Variants in MGAT4C observed in about 807,000 individuals in gnomAD.
The protein encoded by MGAT4C is MGAT4 family member C, also known as alpha-1,3-mannosyl-glycoprotein 4-beta-N-acetylglucosaminyltransferase C.
In MGAT4C, 19 loss-of-function variants were observed where a neutral mutation model predicts 40.1. The ratio of observed to expected loss-of-function variants is 0.47; its 90% confidence interval spans 0.33 to 0.70. The LOEUF (loss-of-function observed/expected upper bound fraction) is 0.70. Among genes scored for constraint, MGAT4C ranks in the 30% least tolerant of loss-of-function variants. MGAT4C has a pLI of 0.02. For missense variants in MGAT4C, 491 were observed against 563.2 expected, an observed-to-expected ratio of 0.87 and a Z score of 1.30; for synonymous variants, 181 against 187.1, an observed-to-expected ratio of 0.97 and a Z score of 0.27.
intron 1 of MGAT4C, among the ~76,000 whole-genome samples, chr12:86,792,886 G>A (rs145460077): frequency 1.8e-4 from 27 of 152,208 alleles, no homozygotes; most frequent in African/African-American, 5.1e-4. Flanking sequence ...AGCTGAGATC[G>A]TGCCACTGCA....
At chr12:86,560,976 C>CA (rs1373537236) in intron 2 of MGAT4C, among the ~76,000 whole-genome samples, 2 of 151,988 alleles carry the variant, frequency 1.3e-5, no homozygotes, top group Non-Finnish European at 2.9e-5. Flanking sequence ...AACCAACATA[C>CA]AAAAATCAGT....
At chr12:86,587,888 G>C (rs374349553) in intron 2 of MGAT4C, among the ~76,000 whole-genome samples, 4 of 151,822 alleles carry the variant, frequency 2.6e-5, no homozygotes, top group South Asian at 2.1e-4. Context: ...ATCATGTCAT[G>C]TGCAAACAGG....
chr12:86,504,834 T>A (rs1041994817), intron 2 of MGAT4C, among the ~76,000 whole-genome samples: 2 of 152,052 alleles, frequency 1.3e-5, no homozygotes, highest in African/African-American at 4.8e-5. Flanking sequence ...CTACAGGTGC[T>A]CATGTTGGTG....
intron 2 of MGAT4C, among the ~76,000 whole-genome samples, chr12:86,017,510 AATAAAT>A (rs1446313056): frequency 4.6e-5 from 7 of 152,182 alleles, no homozygotes; most frequent in Admixed American, 1.3e-4. Context: ...TTAATTACAT[AATAAAT>A]ATAAATATCT....
chr12:86,149,169 A>T (rs1883954520), intron 1 of MGAT4C, among the ~76,000 whole-genome samples: 1 of 152,004 alleles, frequency 6.6e-6, no homozygotes. Context: ...TATTTTTTAA[A>T]TTTTTTCATA....
At chr12:86,335,784 C>A (rs1380640149) in intron 3 of MGAT4C, among the ~76,000 whole-genome samples, 1 of 152,070 alleles carries the variant, frequency 6.6e-6, no homozygotes, top group Non-Finnish European at 1.5e-5. Context: ...CATTGTGCAA[C>A]CCTTACTGAC....
At chr12:86,264,323 T>C (rs1317950567) in intron 4 of MGAT4C, among the ~76,000 whole-genome samples, 2 of 152,234 alleles carry the variant, frequency 1.3e-5, no homozygotes, top group Admixed American at 1.3e-4. Context: ...TGTTTATGTC[T>C]TTGATATATT....
intron 2 of MGAT4C, among the ~76,000 whole-genome samples, chr12:86,470,879 A>G (rs1957748342): frequency 6.6e-6 from 1 of 151,958 alleles, no homozygotes; most frequent in South Asian, 2.1e-4. Context: ...CCTTTATATT[A>G]TTCTTAACTT....
intron 4 of MGAT4C, among the ~76,000 whole-genome samples, chr12:86,292,033 C>T (rs1953531456): frequency 1.3e-5 from 2 of 152,102 alleles, no homozygotes; most frequent in East Asian, 1.9e-4. Flanking sequence ...CAATTTTATG[C>T]TTGATTCTCC....
intron 1 of MGAT4C, among the ~76,000 whole-genome samples, chr12:86,234,401 ATGAC>A (rs1195082378): frequency 3.9e-5 from 6 of 152,180 alleles, no homozygotes; most frequent in African/African-American, 1.4e-4. Context: ...TTATTGAAGA[ATGAC>A]TGTATGCCTA....
chr12:86,045,409 G>C lies in MGAT4C; in HGVS notation c.-7+4265C>G, dbSNP rs115540044. ...ACCATGTCACTCATATGCATTACTT[G>C]CATGACTCTAGACATTTGAGGAACA... is the stretch of plus-strand genomic sequence containing the variant. On this transcript the variant is annotated intron_variant, in intron 2 of 4. Transcript: ENST00000611864. Among the ~76,000 whole-genome samples the C allele has an allele frequency of 7.1e-3, 1,084 of 152,190 alleles. 14 individuals are homozygous for C. Among genetic ancestry groups the C allele is most frequent in the African/African-American group, 0.024 (1,009 of 41,514 alleles).
intron 2 of MGAT4C, among the ~76,000 whole-genome samples, chr12:86,539,262 A>G (rs1959132024): frequency 6.6e-6 from 1 of 151,110 alleles, no homozygotes; most frequent in Non-Finnish European, 1.5e-5. Context: ...CCTATGAATG[A>G]GAACATGCAG....
chr12:86,600,789 C>T (rs1961740995), intron 2 of MGAT4C, among the ~76,000 whole-genome samples: 1 of 152,196 alleles, frequency 6.6e-6, no homozygotes, highest in African/African-American at 2.4e-5. Context: ...AGCTTGCGTT[C>T]CCGCTGCAGC....
chr12:86,173,159 G>GAAA (rs1462619315), intron 1 of MGAT4C, among the ~76,000 whole-genome samples: 7 of 151,926 alleles, frequency 4.6e-5, no homozygotes, highest in African/African-American at 1.7e-4. Flanking sequence ...AACCTAACTG[G>GAAA]GATTCATATA....
intron 1 of MGAT4C, among the ~76,000 whole-genome samples, chr12:86,175,012 A>C (rs1887244720): frequency 6.6e-6 from 1 of 152,130 alleles, no homozygotes; most frequent in East Asian, 1.9e-4. Flanking sequence ...GTATAGCATA[A>C]ATTTCTATAT....
At chr12:86,791,840 T>G (rs1210117993) in intron 1 of MGAT4C, among the ~76,000 whole-genome samples, 1 of 152,120 alleles carries the variant, frequency 6.6e-6, no homozygotes, top group Non-Finnish European at 1.5e-5. Context: ...CCAGATGGAA[T>G]TTGCCTAATA....
intron 3 of MGAT4C, among the ~76,000 whole-genome samples, chr12:86,357,584 A>G (rs536857543): frequency 1.3e-5 from 2 of 150,894 alleles, no homozygotes; most frequent in Admixed American, 1.3e-4. Context: ...ACCTTGAAAA[A>G]AGATTAGATG....
chr12:86,130,371 G>C (rs1472010270), intron 1 of MGAT4C, among the ~76,000 whole-genome samples: 2 of 151,990 alleles, frequency 1.3e-5, no homozygotes, highest in Non-Finnish European at 1.5e-5. Context: ...TAATAAAATG[G>C]CTCACAATAC....
intron 2 of MGAT4C, among the ~76,000 whole-genome samples, chr12:86,537,228 T>G (rs10735251): frequency 0.92 from 139,224 of 151,388 alleles, 64,119 homozygotes; most frequent in East Asian, 1. Context: ...TTGTGGGGTG[T>G]GGGGAGAGGG....
Sources: allele counts gnomAD v4.1 joint callset (sites outside exome capture counted in the v4.1 genomes callset), GRCh38; gene constraint gnomAD v4.1.1; transcripts MANE v1.5; gene names NCBI Gene and HGNC (gene_info 2026-07-23, HGNC 2026-07-21).